The following MGST1 variants were observed in gnomAD, a reference collection of about 807,000 sequenced individuals.
MGST1 encodes the protein microsomal glutathione S-transferase 1.
A neutral mutation model predicts 8.9 loss-of-function variants in MGST1; 5 were observed. That is an observed-to-expected ratio of 0.56 (90% CI 0.29 to 1.19). The LOEUF (loss-of-function observed/expected upper bound fraction) is 1.19, where lower values mean the gene tolerates loss of function less well. Among genes scored for constraint, MGST1 ranks in the 50% most tolerant of loss-of-function variants. MGST1 has a pLI of 0.08. For synonymous variants in MGST1, 54 were observed against 67.8 expected, an observed-to-expected ratio of 0.80 and a Z score of 1.00; for missense variants, 182 against 187.4, an observed-to-expected ratio of 0.97 and a Z score of 0.17.
At chr12:16,443,600 G>A (rs1236530497), downstream of MGST1, among the ~76,000 whole-genome samples, 2 of 151,700 alleles carry the variant, frequency 1.3e-5, no homozygotes, top group African/African-American at 4.8e-5. Context: ...AAACAATGCT[G>A]TTTCTACTAG....
chr12:16,482,034 A>G lies in MGST1; in HGVS notation n.482+98430A>G, dbSNP rs1397195322. Among the ~76,000 whole-genome samples the G allele has an allele frequency of 6.6e-6, 1 of 152,342 alleles. No individual in the cohort carries two copies. Among genetic ancestry groups the G allele is most frequent in the South Asian group, 2.1e-4 (1 of 4,822 alleles). Reference sequence around the variant, plus strand: ...ACAGAAAGGAATAATAAGCAGATTGACAATGTAAGCTAAGGCATATAAAAT... The same window carrying G: ...ACAGAAAGGAATAATAAGCAGATTGGCAATGTAAGCTAAGGCATATAAAAT... On this transcript the variant is annotated intron_variant and non_coding_transcript_variant, in intron 4 of 4. Transcript: ENST00000538857. The surrounding 1 kb of genome is among the most constrained non-coding windows in gnomAD (Gnocchi z 4.2).
At chr12:16,455,463 A>C (rs961591412) in intron 4 of MGST1, among the ~76,000 whole-genome samples, 1 of 151,762 alleles carries the variant, frequency 6.6e-6, no homozygotes, top group Non-Finnish European at 1.5e-5. Flanking sequence ...TTCACCTAGC[A>C]CAGCACTTGG....
intron 1 of MGST1, among the ~76,000 whole-genome samples, chr12:16,406,187 C>A (rs117085571): frequency 6.6e-6 from 1 of 152,300 alleles, no homozygotes; most frequent in Non-Finnish European, 1.5e-5. Flanking sequence ...CCCAAAAGCT[C>A]ATTAAGCTAA....
At chr12:16,507,682 C>T (rs1379303485) in intron 4 of MGST1, among the ~76,000 whole-genome samples, 4 of 152,126 alleles carry the variant, frequency 2.6e-5, no homozygotes, top group Non-Finnish European at 4.4e-5. Context: ...AGGGCAAGCA[C>T]ATCTTTACAT....
chr12:16,541,962 T>G (rs1941795867), intron 4 of MGST1, among the ~76,000 whole-genome samples: 1 of 152,052 alleles, frequency 6.6e-6, no homozygotes, highest in African/African-American at 2.4e-5. Flanking sequence ...GCCTAGACAG[T>G]CCAAGTTCAA....
chr12:16,532,984 G>C (rs1333669246), intron 4 of MGST1, among the ~76,000 whole-genome samples: 1 of 152,108 alleles, frequency 6.6e-6, no homozygotes, highest in Non-Finnish European at 1.5e-5. Flanking sequence ...TTGAATCTCA[G>C]GTGAAGCTAA....
intron 1 of MGST1, among the ~76,000 whole-genome samples, chr12:16,414,563 C>A (rs988015716): frequency 1.5e-4 from 23 of 151,708 alleles, no homozygotes; most frequent in Admixed American, 1.3e-3. Flanking sequence ...CTACAGGTGC[C>A]CGCCACCATG....
intron 4 of MGST1, among the ~76,000 whole-genome samples, chr12:16,480,602 G>A (rs924287930): frequency 6.6e-6 from 1 of 152,120 alleles, no homozygotes; most frequent in Non-Finnish European, 1.5e-5. Flanking sequence ...GAAGAAATAG[G>A]TAAAATATTT....
intron 4 of MGST1, among the ~76,000 whole-genome samples, chr12:16,541,871 G>C (rs1941795413): frequency 6.6e-6 from 1 of 152,116 alleles, no homozygotes; most frequent in Non-Finnish European, 1.5e-5. Context: ...TCAGGCAGGG[G>C]TTGCTTTTGA....
intron 1 of MGST1, chr12:16,399,688 C>G (rs1023815200): frequency 1.4e-6 from 2 of 1,396,466 alleles, no homozygotes; most frequent in African/African-American, 2.8e-5. Context: ...TCGAAAAAGC[C>G]CTCAGGGTCA....
At chr12:16,557,620 T>C (rs758383028) in intron 4 of MGST1, among the ~76,000 whole-genome samples, 2 of 152,086 alleles carry the variant, frequency 1.3e-5, no homozygotes, top group Non-Finnish European at 2.9e-5. Context: ...AGAAACTCTA[T>C]TGTGATATAT....
At position 16,361,215 on chromosome 12, in the gene MGST1, G is replaced by A. The variant is rs145200473; in HGVS notation, c.222-2580G>A. Among the ~76,000 whole-genome samples, 45 of 152,294 alleles carry A rather than the reference G, an allele frequency of 3.0e-4. No homozygotes were observed. The highest frequency in any genetic ancestry group is 9.4e-4 in the African/African-American group (39 of 41,562). On this transcript the variant is annotated intron_variant, in intron 3 of 3. Transcript: ENST00000396210. The surrounding 1 kb of genome is among the most constrained non-coding windows in gnomAD (Gnocchi z 4.2). ...GAAGAGCTTTGGCTGAGATGAGGGC[G>A]TCAGGAAAAGCCTGCTGTGCAGCTC...
At chr12:16,498,351 C>T (rs935172593) in intron 4 of MGST1, among the ~76,000 whole-genome samples, 2 of 152,132 alleles carry the variant, frequency 1.3e-5, no homozygotes, top group Non-Finnish European at 2.9e-5. Flanking sequence ...TTACCCAGGA[C>T]GCTGTATTTT....
intron 4 of MGST1, among the ~76,000 whole-genome samples, chr12:16,518,613 A>G (rs55650558): frequency 2.9e-4 from 44 of 152,316 alleles, no homozygotes; most frequent in Admixed American, 5.2e-4. Context: ...TATCTGAAAC[A>G]TGTAGAAAAC....
chr12:16,589,219 CAGA>C lies in MGST1; in HGVS notation n.483-305_483-303del, dbSNP rs1044057203. ...TTATTTTTTAATGAAGTGATATTCA[CAGA>C]AGATTATAACAACAGTAGATGAATG... On this transcript the variant is annotated intron_variant and non_coding_transcript_variant, in intron 4 of 4. Transcript: ENST00000538857. The surrounding 1 kb of genome is among the most constrained non-coding windows in gnomAD (Gnocchi z 4.2). Among the ~76,000 whole-genome samples the C allele has an allele frequency of 1.1e-4, 16 of 152,024 alleles. No homozygotes were observed. Among genetic ancestry groups the C allele is most frequent in the African/African-American group, 3.9e-4 (16 of 41,398 alleles).
At chr12:16,435,293 A>G (rs1421975137) in intron 1 of MGST1, among the ~76,000 whole-genome samples, 4 of 152,092 alleles carry the variant, frequency 2.6e-5, no homozygotes, top group South Asian at 2.1e-4. Context: ...CAGGTACACT[A>G]ATGAATTATT....
intron 4 of MGST1, among the ~76,000 whole-genome samples, chr12:16,564,522 A>G (rs576921497): frequency 5.9e-5 from 9 of 152,202 alleles, no homozygotes; most frequent in Admixed American, 1.3e-4. Context: ...GTGGTTTACT[A>G]CAGGCATCAG....
At chr12:16,520,496 A>G (rs11056980) in intron 4 of MGST1, among the ~76,000 whole-genome samples, 7,031 of 152,136 alleles carry the variant, frequency 0.046, 416 homozygotes, top group East Asian at 0.14. Flanking sequence ...AGACTCGAAG[A>G]GCTGAGTCAG....
In MGST1 at chr12:16,492,849, C is replaced by T. The variant is rs138040065; in HGVS notation, n.483-96679C>T. ...GGGCTACCTTGCTAATGTATATTTA[C>T]ATGAAAGACCAAGAAATTTCATAAG... is the stretch of plus-strand genomic sequence containing the variant. On this transcript the variant is annotated intron_variant and non_coding_transcript_variant, in intron 4 of 4. Coordinates refer to the MGST1 transcript ENST00000538857. Among the ~76,000 whole-genome samples the T allele has an allele frequency of 3.9e-5, 6 of 152,204 alleles. No homozygotes were observed. The East Asian group carries it at 1.2e-3, about 29-fold the overall frequency.
Sources: allele counts gnomAD v4.1 joint callset (sites outside exome capture counted in the v4.1 genomes callset), GRCh38; gene constraint gnomAD v4.1.1; non-coding constraint Gnocchi (gnomAD v3.1); transcripts MANE v1.5; gene names NCBI Gene and HGNC (gene_info 2026-07-23, HGNC 2026-07-21).